The following SPATA13 variants were observed in gnomAD, a reference collection of about 807,000 sequenced individuals.
The protein encoded by SPATA13 is spermatogenesis associated 13.
SPATA13 carries 50 observed loss-of-function variants against 104.0 expected under a neutral mutation model. That is an observed-to-expected ratio of 0.48 (90% CI 0.38 to 0.61). The LOEUF (loss-of-function observed/expected upper bound fraction) is 0.61. Ranked by LOEUF, SPATA13 falls within the 20% of genes least tolerant of loss-of-function variation. The pLI is 0.00. For missense variants in SPATA13, 1,524 were observed against 1,690.6 expected (o/e 0.90, Z 1.73); for synonymous variants, 606 against 667.5 (o/e 0.91, Z 1.42).
In SPATA13 at chr13:24,224,331, A is replaced by G; in HGVS notation, c.1402A>G (p.Thr468Ala). ...EQPPTPLRPTTPKPQSPQSPQ... is the reference protein window; with the variant it reads ...EQPPTPLRPTAPKPQSPQSPQ... The stretch of plus-strand genomic sequence containing the variant: ...GCCTCCCACCCCTCTAAGGCCCACC[A>G]CACCCAAGCCCCAGAGCCCTCAGAG... Residue 468 changes from threonine (T) to alanine (A), a missense_variant, in exon 2 of 13, where the codon ACA becomes GCA. This residue lies in a region of SPATA13 where 1,089 missense variants were observed against 1,135.9 expected (regional missense o/e 0.96). Coordinates refer to ENST00000382108, the MANE Select transcript of SPATA13 (RefSeq NM_001166271.3). The G allele has an allele frequency of 1.3e-6, 2 of 1,551,610 alleles. No individual in the cohort carries two copies.
Position 24,224,068 on chromosome 13 carries a change from T to A in SPATA13, c.1139T>A (p.Met380Lys). 6.5e-7 allele frequency: 1 copy of A among 1,550,168 alleles called. No individual in the cohort carries two copies. Among genetic ancestry groups the A allele is most frequent in the Non-Finnish European group, 8.7e-7 (1 of 1,146,344 alleles). The change falls in exon 2 of 13, where the codon ATG becomes AAG. Residue 380 changes from methionine (M) to lysine (K), a missense_variant. Coordinates refer to ENST00000382108, the MANE Select transcript of SPATA13 (RefSeq NM_001166271.3). The stretch of plus-strand genomic sequence containing the variant: ...GACAGCAGGCGGGGCGGGGCGGTCA[T>A]GCATGGGACCACTGCAACCTGCACC... ...EQDSRRGGAV[M>K]HGTTATCTVA...
intron 3 of SPATA13, among the ~76,000 whole-genome samples, chr13:24,136,678 G>A (rs1198259690): frequency 6.6e-6 from 1 of 152,190 alleles, no homozygotes; most frequent in Non-Finnish European, 1.5e-5. Context: ...GATTCTCTGG[G>A]CCTATTGGGC....
intron 2 of SPATA13, among the ~76,000 whole-genome samples, chr13:23,993,015 G>A (rs1190991649): frequency 1.3e-5 from 2 of 152,168 alleles, no homozygotes; most frequent in Non-Finnish European, 2.9e-5. Context: ...ACATGCTCTG[G>A]GCATCATATT....
rs1449762758 is a variant in SPATA13 at position 24,223,471 on chromosome 13, T to C, written c.542T>C (p.Leu181Ser). The change falls in exon 2 of 13, where the codon TTG becomes TCG. Residue 181 changes from leucine to serine, a missense_variant. Coordinates refer to ENST00000382108, the MANE Select transcript of SPATA13 (RefSeq NM_001166271.3). The part of the protein sequence containing the change: ...GALRPAEWGT[L>S]DGSDLEDTDD... Reference sequence around the variant, plus strand: ...CTCAGGCCAGCAGAGTGGGGCACATTGGATGGCTCCGACCTCGAGGACACG... The same window carrying C: ...CTCAGGCCAGCAGAGTGGGGCACATCGGATGGCTCCGACCTCGAGGACACG... 6.5e-7 allele frequency: 1 copy of C among 1,549,838 alleles called. No individual in the cohort carries two copies. Among genetic ancestry groups the C allele is most frequent in the African/African-American group, 1.4e-5 (1 of 73,058 alleles).
rs924587870 is a variant in SPATA13, at chr13:24,297,381, C to T, written c.3229C>T (p.Arg1077Ter). The T allele has an allele frequency of 6.2e-7, 1 of 1,610,672 alleles. No individual in the cohort carries two copies. The highest frequency in any genetic ancestry group is 8.5e-7 in the Non-Finnish European group (1 of 1,177,996). The part of the protein sequence containing the change: ...VGWEGLDILD[R>*]SSELIHSGEL... ...CTTCCAGGGACTGGATATCTTAGACCGAAGCTCAGAATTGATTCATTCTGG... is the reference window on the plus strand; with the variant it reads ...CTTCCAGGGACTGGATATCTTAGACTGAAGCTCAGAATTGATTCATTCTGG... The change falls in exon 11 of 13, where the codon CGA becomes TGA. Residue 1077 changes from arginine to a stop codon, truncating the protein, a stop_gained. Transcript: ENST00000382108. LOFTEE classifies it high-confidence loss of function.
chr13:24,295,846 CA>C (rs906963994), intron 10 of SPATA13, among the ~76,000 whole-genome samples: 2 of 152,100 alleles, frequency 1.3e-5, no homozygotes, highest in African/African-American at 4.8e-5. Flanking sequence ...ACCCATTTAA[CA>C]GATGGGAAAA....
intron 1 of SPATA13, among the ~76,000 whole-genome samples, chr13:24,207,581 A>G (rs952882492): frequency 1.3e-5 from 2 of 152,118 alleles, no homozygotes; most frequent in African/African-American, 4.8e-5. Context: ...CATCCCTACC[A>G]GCACTTGTTA....
intron 4 of SPATA13, among the ~76,000 whole-genome samples, chr13:24,265,128 C>A (rs1300530452): frequency 6.6e-6 from 1 of 152,222 alleles, no homozygotes; most frequent in Non-Finnish European, 1.5e-5. Context: ...TGCCCTTGTA[C>A]TTCAGGCTCC....
chr13:24,084,550 A>T (rs1209919322), intron 3 of SPATA13, among the ~76,000 whole-genome samples: 4 of 152,154 alleles, frequency 2.6e-5, no homozygotes, highest in Non-Finnish European at 5.9e-5. Context: ...TCTTAAAAAA[A>T]AGCAACACTA....
rs527479818 is a variant in SPATA13 at position 23,992,480 on chromosome 13, G to A, written c.-147+8547G>A. 3.5e-4 allele frequency among the ~76,000 whole-genome samples: 54 copies of A among 152,286 alleles called. 1 individual carries two copies. Among genetic ancestry groups the A allele is most frequent in the Admixed American group, 8.5e-4 (13 of 15,300 alleles). Reference sequence around the variant, plus strand: ...ATCGGTGGCAGGTGCTGGTGGTGGTGGATGGCTCTGCTCCACGAAGTCTTC... The same window carrying A: ...ATCGGTGGCAGGTGCTGGTGGTGGTAGATGGCTCTGCTCCACGAAGTCTTC... On this transcript the variant is annotated intron_variant, in intron 2 of 14. Coordinates refer to the SPATA13 transcript ENST00000424834.
At chr13:24,115,517 A>G (rs1372169361) in intron 3 of SPATA13, among the ~76,000 whole-genome samples, 1 of 152,274 alleles carries the variant, frequency 6.6e-6, no homozygotes, top group African/African-American at 2.4e-5. Context: ...CCTTATGAGA[A>G]TCTAACTAAT....
intron 2 of SPATA13, among the ~76,000 whole-genome samples, chr13:23,987,965 A>G (rs924545182): frequency 1.4e-5 from 2 of 146,874 alleles, no homozygotes; most frequent in African/African-American, 5.1e-5. Flanking sequence ...TTTTTTTGAG[A>G]CAGAGCCTCA....
chr13:24,186,478 CAG>C (rs1460309090), intron 1 of SPATA13, among the ~76,000 whole-genome samples: 2 of 152,148 alleles, frequency 1.3e-5, no homozygotes, highest in Admixed American at 6.5e-5. Context: ...AAACTGATGA[CAG>C]AGTTTCCTAA....
At chr13:24,110,795 C>T (rs1007010176) in intron 3 of SPATA13, among the ~76,000 whole-genome samples, 2 of 152,214 alleles carry the variant, frequency 1.3e-5, no homozygotes, top group African/African-American at 4.8e-5. Context: ...AAGGGCAGAT[C>T]TTTCCACCCA....
chr13:24,159,112 C>T (rs1390326230), upstream of SPATA13, among the ~76,000 whole-genome samples: 2 of 128,406 alleles, frequency 1.6e-5, no homozygotes, highest in Admixed American at 8.7e-5. Context: ...ATAAAAAAAC[C>T]CTCAATTTAG....
intron 3 of SPATA13, among the ~76,000 whole-genome samples, chr13:24,154,528 G>T (rs1435372756): frequency 6.6e-6 from 1 of 152,142 alleles, no homozygotes; most frequent in Non-Finnish European, 1.5e-5. Context: ...ATTGCTAACG[G>T]GGGGGAGGGG....
intron 2 of SPATA13, among the ~76,000 whole-genome samples, chr13:24,246,925 C>T (rs1001247369): frequency 1.3e-5 from 2 of 151,872 alleles, no homozygotes; most frequent in African/African-American, 2.4e-5. Flanking sequence ...CTTACTAGGC[C>T]GGGAGAAGAG....
chr13:24,192,788 A>C (rs1869838796), intron 1 of SPATA13, among the ~76,000 whole-genome samples: 1 of 152,088 alleles, frequency 6.6e-6, no homozygotes, highest in South Asian at 2.1e-4. Flanking sequence ...TGAAGATCTC[A>C]AGGATTTTGA....
At chr13:24,263,019 A>G (rs562306515) in intron 4 of SPATA13, among the ~76,000 whole-genome samples, 6 of 152,106 alleles carry the variant, frequency 3.9e-5, no homozygotes, top group Non-Finnish European at 8.8e-5. Context: ...AATTTTAGGT[A>G]TTATCTAATG....
Sources: allele counts gnomAD v4.1 joint callset (sites outside exome capture counted in the v4.1 genomes callset), GRCh38; gene constraint gnomAD v4.1.1; regional missense constraint gnomAD v4.1.1; transcripts MANE v1.5; gene names NCBI Gene and HGNC (gene_info 2026-07-23, HGNC 2026-07-21).